The following SMURF1 variants were observed in gnomAD, a reference collection of about 807,000 sequenced individuals.
The protein encoded by SMURF1 is SMAD specific E3 ubiquitin protein ligase 1, also known as E3 ubiquitin-protein ligase SMURF1.
In SMURF1, 44 loss-of-function variants were observed where a neutral mutation model predicts 98.0. The ratio of observed to expected loss-of-function variants is 0.45; its 90% confidence interval spans 0.35 to 0.58. SMURF1 has a LOEUF of 0.58. Ranked by LOEUF, SMURF1 falls within the 20% of genes least tolerant of loss-of-function variation. The pLI, the probability that SMURF1 is intolerant of heterozygous loss-of-function variation, is 0.00. For synonymous variants in SMURF1, 396 were observed against 374.9 expected, an observed-to-expected ratio of 1.06 and a Z score of -0.65; for missense variants, 687 against 938.4, an observed-to-expected ratio of 0.73 and a Z score of 3.50.
chr7:99,092,536 T>C (rs1055982656), intron 1 of SMURF1, among the ~76,000 whole-genome samples: 1 of 152,188 alleles, frequency 6.6e-6, no homozygotes, highest in African/African-American at 2.4e-5. Flanking sequence ...CAACGCGCCT[T>C]CTCGTTTCAG....
rs891655643 is a variant in SMURF1, at chr7:99,116,665, C to T, written c.55+27061G>A. 8.5e-5 allele frequency among the ~76,000 whole-genome samples: 13 copies of T among 152,190 alleles called. No homozygotes were observed. In the East Asian group the frequency reaches 1.2e-3, roughly 14 times the overall value. On this transcript the variant is annotated intron_variant, in intron 1 of 17. Transcript: ENST00000361368. ...AGAAATAAACTTAACCAAAAAAATA[C>T]AAGACTCATACACTGAAAATTACAT...
intron 5 of SMURF1, among the ~76,000 whole-genome samples, chr7:99,056,784 C>T (rs1795885264): frequency 6.6e-6 from 1 of 152,116 alleles, no homozygotes; most frequent in Non-Finnish European, 1.5e-5. Context: ...GGGCAGATCA[C>T]TCGAGGTCAG....
At chr7:99,054,388 C>T (rs565784166) in intron 6 of SMURF1, among the ~76,000 whole-genome samples, 2 of 152,214 alleles carry the variant, frequency 1.3e-5, no homozygotes, top group African/African-American at 4.8e-5. Flanking sequence ...CTCACTGCAA[C>T]CCCCTCCTCC....
At chr7:99,077,535 T>C (rs1405467421) in intron 1 of SMURF1, among the ~76,000 whole-genome samples, 1 of 151,940 alleles carries the variant, frequency 6.6e-6, no homozygotes. Flanking sequence ...GGTTTCAACA[T>C]GTTGGCCAGG....
chr7:99,082,908 C>G (rs955798196), intron 1 of SMURF1, among the ~76,000 whole-genome samples: 6 of 152,120 alleles, frequency 3.9e-5, no homozygotes, highest in South Asian at 2.1e-4. Flanking sequence ...TTTCTTTCCA[C>G]GATATTTTAG....
At chr7:99,122,038 T>C (rs899687069) in intron 1 of SMURF1, among the ~76,000 whole-genome samples, 2 of 152,162 alleles carry the variant, frequency 1.3e-5, no homozygotes, top group African/African-American at 4.8e-5. Flanking sequence ...TTTAGCATTT[T>C]GAAATGTTAG....
chr7:99,047,146 A>G (rs2150520637), intron 10 of SMURF1, among the ~76,000 whole-genome samples: 1 of 152,370 alleles, frequency 6.6e-6, no homozygotes, highest in East Asian at 1.9e-4. Context: ...TGTAAGGGAC[A>G]GAGCCTGTCC....
intron 1 of SMURF1, among the ~76,000 whole-genome samples, chr7:99,107,579 G>A (rs1340614961): frequency 6.6e-6 from 1 of 152,160 alleles, no homozygotes; most frequent in African/African-American, 2.4e-5. Context: ...ACTGACAAAT[G>A]GGAAACAACC....
intron 10 of SMURF1, among the ~76,000 whole-genome samples, chr7:99,047,435 T>C (rs1795620119): frequency 6.6e-6 from 1 of 152,176 alleles, no homozygotes; most frequent in African/African-American, 2.4e-5. Flanking sequence ...ATTTTTACCA[T>C]AAGAGGAAAT....
intron 3 of SMURF1, among the ~76,000 whole-genome samples, chr7:99,058,110 C>T (rs936653008): frequency 1.3e-5 from 2 of 151,942 alleles, no homozygotes. Flanking sequence ...AACAGACTTA[C>T]TATATTTTAT....
chr7:99,052,752 A>G (rs1795790326), intron 6 of SMURF1, among the ~76,000 whole-genome samples: 1 of 152,166 alleles, frequency 6.6e-6, no homozygotes, highest in Admixed American at 6.5e-5. Context: ...GTGAAATGAG[A>G]TCTCATTTTT....
intron 16 of SMURF1, among the ~76,000 whole-genome samples, chr7:99,034,842 C>T (rs1442086636): frequency 3.9e-5 from 6 of 152,150 alleles, no homozygotes; most frequent in African/African-American, 1.2e-4. Context: ...TTTTACTCAG[C>T]GAGGCAGAGG....
chr7:99,143,533 C>CAGGGGGCGGGGCCGGGCAACGGCG (rs1305545170), intron 1 of SMURF1, among the ~76,000 whole-genome samples, 193 bp downstream of exon 1: 3 of 31,852 alleles, frequency 9.4e-5, no homozygotes, highest in South Asian at 9.0e-4. Flanking sequence ...CGCGAGCGGC[C>CAGGGGGCGGGGCCGGGCAACGGCG]AGGGGGCGGG....
chr7:99,140,723 C>A (rs1461189424), intron 1 of SMURF1, among the ~76,000 whole-genome samples: 1 of 152,296 alleles, frequency 6.6e-6, no homozygotes, highest in East Asian at 1.9e-4. Context: ...GCCATCTTCA[C>A]TATCTTTGCA....
rs1412599459 is a variant in SMURF1, at chr7:99,059,413, A to T, written c.203+1186T>A. 1.9e-3 allele frequency among the ~76,000 whole-genome samples: 68 copies of T among 35,516 alleles called. 4 individuals carry two copies. Among genetic ancestry groups the T allele is most frequent in the Middle Eastern group, 0.022 (1 of 46 alleles). 23.3% of individuals were successfully genotyped at this position (35,516 alleles called of 152,430 possible). A position where few individuals can be genotyped will look rare whatever the true frequency, so the allele number is the denominator to read the frequency against. On this transcript the variant is annotated intron_variant, in intron 3 of 17. Coordinates refer to ENST00000361368, the MANE Select transcript of SMURF1 (RefSeq NM_181349.3). ...ACTCCATCTCAAAAAAAAATAAAATAAAATAAAATAAAATAAAATAAAATA... is the reference window on the plus strand; with the variant it reads ...ACTCCATCTCAAAAAAAAATAAAATTAAATAAAATAAAATAAAATAAAATA...
intron 1 of SMURF1, among the ~76,000 whole-genome samples, chr7:99,100,323 G>T (rs1162104888): frequency 6.6e-6 from 1 of 152,232 alleles, no homozygotes; most frequent in African/African-American, 2.4e-5. Context: ...GGGAGGCCGA[G>T]GAGTGTGGAT....
At chr7:99,053,212 T>C (rs112939832) in intron 6 of SMURF1, among the ~76,000 whole-genome samples, 136 of 152,294 alleles carry the variant, frequency 8.9e-4, no homozygotes, top group Non-Finnish European at 1.7e-3. Context: ...TTCACCTTAA[T>C]AGGCTACTGT....
intron 14 of SMURF1, 107 bp downstream of exon 14, chr7:99,038,281 C>T: frequency 1.5e-6 from 2 of 1,329,222 alleles, no homozygotes; most frequent in South Asian, 1.4e-5. Flanking sequence ...ATCATAAGCA[C>T]CAGCCATCAG....
intron 15 of SMURF1, chr7:99,035,983 G>GT (rs1342432267): frequency 2.0e-6 from 1 of 488,122 alleles, no homozygotes; most frequent in East Asian, 4.1e-5. Flanking sequence ...CCAAAGCGGG[G>GT]TTTTTGCTCT....
Sources: allele counts gnomAD v4.1 joint callset (sites outside exome capture counted in the v4.1 genomes callset), GRCh38; gene constraint gnomAD v4.1.1; transcripts MANE v1.5; gene names NCBI Gene and HGNC (gene_info 2026-07-23, HGNC 2026-07-21).